The following SLC24A2 variants were observed in gnomAD, a reference collection of about 807,000 sequenced individuals.
The protein encoded by SLC24A2 is solute carrier family 24 member 2.
In SLC24A2, 36 loss-of-function variants were observed where a neutral mutation model predicts 62.0. The observed-to-expected ratio is 0.58, with a 90% CI of 0.44 to 0.77. The LOEUF (loss-of-function observed/expected upper bound fraction) is 0.77, where lower values mean the gene tolerates loss of function less well. SLC24A2 is among the 30% of genes least tolerant of loss of function. The probability of loss-of-function intolerance (pLI) is 0.00; values close to 1 mark genes in which losing one functional copy is unlikely to be tolerated. For synonymous variants in SLC24A2, 358 were observed against 294.0 expected, an observed-to-expected ratio of 1.22 and a Z score of -2.23; for missense variants, 846 against 817.9, an observed-to-expected ratio of 1.03 and a Z score of -0.42.
chr9:19,713,371 T>C (rs941697018), intron 2 of SLC24A2, among the ~76,000 whole-genome samples: 7 of 152,204 alleles, frequency 4.6e-5, no homozygotes, highest in African/African-American at 1.7e-4. Flanking sequence ...TATATAACAA[T>C]GATAAGGCTT....
At chr9:20,269,012 G>A in the SLC24A2 span, among the ~76,000 whole-genome samples, 4 of 152,180 alleles carry the variant, frequency 2.6e-5, no homozygotes, top group African/African-American at 9.7e-5. Context: ...TTGTTGCTAA[G>A]AATTATTTTT....
the SLC24A2 span, among the ~76,000 whole-genome samples, chr9:20,220,547 C>T: frequency 1.2e-4 from 18 of 152,232 alleles, no homozygotes; most frequent in African/African-American, 4.3e-4. Context: ...GGATTTGTTA[C>T]ACAACACATG....
rs1833607508 is a variant in SLC24A2 at position 19,529,707 on chromosome 9, AAT to A, written c.1480-1571_1480-1570del. Among the ~76,000 whole-genome samples, 8 of 152,048 alleles carry A rather than the reference AAT, an allele frequency of 5.3e-5. No homozygotes were observed. The South Asian group carries it at 1.7e-3, about 32-fold the overall frequency. On this transcript the variant is annotated intron_variant, in intron 8 of 10. Coordinates refer to ENST00000341998, the MANE Select transcript of SLC24A2 (RefSeq NM_020344.4). ...AAGCGCTTTAATGGGTAATGGGGGA[AAT>A]AAAAAGGTAATCATTTTTTTAAAGT...
At chr9:20,085,272 T>G in the SLC24A2 span, among the ~76,000 whole-genome samples, 1 of 152,232 alleles carries the variant, frequency 6.6e-6, no homozygotes, top group Non-Finnish European at 1.5e-5. Flanking sequence ...ATGCTGGGAT[T>G]ACAGGCATGA....
At chr9:19,816,514 G>A in the SLC24A2 span, among the ~76,000 whole-genome samples, 4 of 152,158 alleles carry the variant, frequency 2.6e-5, no homozygotes, top group Non-Finnish European at 5.9e-5. Flanking sequence ...GTAGCTACCT[G>A]TATTACACCA....
the SLC24A2 span, among the ~76,000 whole-genome samples, chr9:20,221,292 G>T: frequency 6.6e-6 from 1 of 152,194 alleles, no homozygotes; most frequent in Admixed American, 6.5e-5. Flanking sequence ...CGTGGCTTAG[G>T]ATACAGTGAT....
At chr9:19,965,512 C>T in the SLC24A2 span, among the ~76,000 whole-genome samples, 4 of 152,108 alleles carry the variant, frequency 2.6e-5, no homozygotes, top group Non-Finnish European at 4.4e-5. Flanking sequence ...AGAAAATATG[C>T]GTGGTGTGTG....
At chr9:20,084,601 T>C in the SLC24A2 span, among the ~76,000 whole-genome samples, 3 of 151,748 alleles carry the variant, frequency 2.0e-5, no homozygotes, top group African/African-American at 7.3e-5. Context: ...GTGAGACAGT[T>C]CCCCAGACAC....
chr9:19,972,960 C>CTTT, the SLC24A2 span, among the ~76,000 whole-genome samples: 1 of 152,122 alleles, frequency 6.6e-6, no homozygotes, highest in African/African-American at 2.4e-5. Flanking sequence ...TTAAGCTCAT[C>CTTT]TTTTGGGGGG....
the SLC24A2 span, among the ~76,000 whole-genome samples, chr9:19,842,749 G>C: frequency 1.3e-5 from 2 of 152,118 alleles, no homozygotes; most frequent in African/African-American, 4.8e-5. Context: ...TGTATATATT[G>C]TGCTTTTATC....
At chr9:19,627,276 CT>C (rs749442880) in intron 2 of SLC24A2, among the ~76,000 whole-genome samples, 3 of 152,002 alleles carry the variant, frequency 2.0e-5, no homozygotes, top group Non-Finnish European at 2.9e-5. Flanking sequence ...GAAGCAAAGC[CT>C]TTTGATGATT....
At chr9:19,655,264 T>C (rs1458968194) in intron 2 of SLC24A2, among the ~76,000 whole-genome samples, 1 of 152,248 alleles carries the variant, frequency 6.6e-6, no homozygotes, top group African/African-American at 2.4e-5. Context: ...ACATTCTTTG[T>C]AACCCGAGGT....
At chr9:19,809,785 C>T in the SLC24A2 span, among the ~76,000 whole-genome samples, 1 of 152,084 alleles carries the variant, frequency 6.6e-6, no homozygotes, top group Non-Finnish European at 1.5e-5. Context: ...CGGACACCAC[C>T]TCCTCAAACC....
the SLC24A2 span, among the ~76,000 whole-genome samples, chr9:20,032,227 C>T: frequency 6.6e-6 from 1 of 152,164 alleles, no homozygotes; most frequent in African/African-American, 2.4e-5. Flanking sequence ...ATGGGAGATA[C>T]TTCAATCTAA....
the SLC24A2 span, among the ~76,000 whole-genome samples, chr9:20,077,512 T>C: frequency 3.3e-5 from 5 of 152,112 alleles, no homozygotes; most frequent in Non-Finnish European, 7.4e-5. Flanking sequence ...CGCTCTACAG[T>C]GTGGGGCCCC....
the SLC24A2 span, among the ~76,000 whole-genome samples, chr9:20,170,294 C>A: frequency 6.6e-6 from 1 of 151,900 alleles, no homozygotes; most frequent in East Asian, 1.9e-4. Context: ...GTTGTCTCAG[C>A]AAGGCAATTT....
At chr9:20,001,880 C>T in the SLC24A2 span, among the ~76,000 whole-genome samples, 1 of 152,164 alleles carries the variant, frequency 6.6e-6, no homozygotes, top group Non-Finnish European at 1.5e-5. Flanking sequence ...ATTGAAACAT[C>T]AGTTCTGTGA....
chr9:20,167,332 T>C, the SLC24A2 span, among the ~76,000 whole-genome samples: 1 of 152,078 alleles, frequency 6.6e-6, no homozygotes, highest in South Asian at 2.1e-4. Flanking sequence ...CTTTTAGGTT[T>C]GAGAAAATGA....
At chr9:19,955,535 A>G in the SLC24A2 span, among the ~76,000 whole-genome samples, 7 of 152,176 alleles carry the variant, frequency 4.6e-5, no homozygotes, top group African/African-American at 1.7e-4. Flanking sequence ...CTACTTTTGT[A>G]GACAAGATAC....
Sources: allele counts gnomAD v4.1 joint callset (sites outside exome capture counted in the v4.1 genomes callset), GRCh38; gene constraint gnomAD v4.1.1; transcripts MANE v1.5; gene names NCBI Gene and HGNC (gene_info 2026-07-23, HGNC 2026-07-21).